The following CSF1R variants were observed in gnomAD, a reference collection of about 807,000 sequenced individuals.
CSF1R encodes colony stimulating factor 1 receptor.
A neutral mutation model predicts 110.0 loss-of-function variants in CSF1R; 40 were observed. That is an observed-to-expected ratio of 0.36 (90% CI 0.28 to 0.47). The LOEUF (loss-of-function observed/expected upper bound fraction) is 0.47. CSF1R is among the 20% of genes least tolerant of loss of function. The pLI, the probability that CSF1R is intolerant of heterozygous loss-of-function variation, is 0.99. For synonymous variants in CSF1R, 523 were observed against 503.4 expected, an observed-to-expected ratio of 1.04 and a Z score of -0.52; for missense variants, 1,052 against 1,253.0, an observed-to-expected ratio of 0.84 and a Z score of 2.42.
At chr5:150,081,059 G>T (rs1758519760) in intron 1 of CSF1R, 35 bp from the exon 2 acceptor site, 1 of 1,610,206 alleles carries the variant, frequency 6.2e-7, no homozygotes, top group Non-Finnish European at 8.5e-7. Flanking sequence ...CAGAAGTGAG[G>T]TCTAGGATGC....
intron 1 of CSF1R, among the ~76,000 whole-genome samples, chr5:150,111,939 C>A (rs1475134119): frequency 6.6e-6 from 1 of 152,290 alleles, no homozygotes; most frequent in East Asian, 1.9e-4. Flanking sequence ...TTTAACCGGG[C>A]TCCCCATTCT....
intron 12 of CSF1R, among the ~76,000 whole-genome samples, chr5:150,061,182 C>T (rs1325432344): frequency 6.6e-6 from 1 of 152,188 alleles, no homozygotes; most frequent in Non-Finnish European, 1.5e-5. Context: ...TGTCACTGAG[C>T]TGGTCTTCAG....
intron 3 of CSF1R, 44 bp from the exon 4 acceptor site, chr5:150,078,292 C>T (rs2569077): frequency 5.6e-6 from 9 of 1,609,262 alleles, no homozygotes. Context: ...GCTCCCTGAA[C>T]ATGATAGAGA....
At chr5:150,095,750 T>C (rs1368263587) in intron 1 of CSF1R, among the ~76,000 whole-genome samples, 1 of 80,458 alleles carries the variant, frequency 1.2e-5, no homozygotes. Context: ...AAAAAAGTAA[T>C]AACATTTACC....
intron 5 of CSF1R, among the ~76,000 whole-genome samples, chr5:150,074,305 G>GTTTT (rs35475636): frequency 0.13 from 15,980 of 126,470 alleles, 1,281 homozygotes; most frequent in East Asian, 0.31. Flanking sequence ...GTCCTGACTA[G>GTTTT]TTTTTTTTTT....
chr5:150,065,217 G>A (rs774534671), intron 10 of CSF1R, among the ~76,000 whole-genome samples: 1 of 151,688 alleles, frequency 6.6e-6, no homozygotes, highest in Non-Finnish European at 1.5e-5. Context: ...AGGCCTGCTG[G>A]TTCTGGGTGA....
At chr5:150,066,371 G>A (rs559657090) in intron 10 of CSF1R, among the ~76,000 whole-genome samples, 2 of 152,346 alleles carry the variant, frequency 1.3e-5, no homozygotes, top group South Asian at 2.1e-4. Flanking sequence ...CATAGCCAGA[G>A]CTTGGCAGAG....
upstream of CSF1R, among the ~76,000 whole-genome samples, chr5:150,091,276 C>T (rs775606360): frequency 4.6e-5 from 7 of 152,164 alleles, no homozygotes; most frequent in Non-Finnish European, 7.4e-5. Flanking sequence ...CCAGAAATAT[C>T]ACTTCTAGGT....
At chr5:150,085,739 C>T (rs1758813701) in intron 1 of CSF1R, among the ~76,000 whole-genome samples, 1 of 152,156 alleles carries the variant, frequency 6.6e-6, no homozygotes, top group African/African-American at 2.4e-5. Flanking sequence ...TGTCTCTCCC[C>T]TCTGACCCCT....
chr5:150,091,849 TACCA>T (rs1375658944), intron 1 of CSF1R, among the ~76,000 whole-genome samples: 1 of 57,714 alleles, frequency 1.7e-5, no homozygotes, highest in Non-Finnish European at 3.0e-5. Flanking sequence ...AGACCCATAC[TACCA>T]AAAAAAAAAA....
chr5:150,060,415 G>A (rs139439464), intron 13 of CSF1R, among the ~76,000 whole-genome samples: 70 of 152,160 alleles, frequency 4.6e-4, no homozygotes, highest in Admixed American at 3.5e-3. Context: ...AAGCTATGGC[G>A]GCTCACTGTA....
intron 5 of CSF1R, among the ~76,000 whole-genome samples, chr5:150,074,994 T>A (rs1165083226): frequency 1.3e-5 from 2 of 152,180 alleles, no homozygotes; most frequent in African/African-American, 4.8e-5. Context: ...CTTTATCCTT[T>A]AAGATTCACC....
At position 150,070,009 on chromosome 5, in the gene CSF1R, C is replaced by T. The variant is rs1757963446; in HGVS notation, c.1374G>A (p.Leu458=). ...QVWDDPYPEV[L]SQEPFHKVTV... Reference sequence around the variant, plus strand: ...TCACCTTGTGGAAGGGCTCCTGGCTCAGGACCTCAGGGTATGGGTCATCCC... The same window carrying T: ...TCACCTTGTGGAAGGGCTCCTGGCTTAGGACCTCAGGGTATGGGTCATCCC... The change falls in exon 9 of 21, where the codon CTG becomes CTA. Residue 458 remains leucine (L), a synonymous_variant. Coordinates refer to ENST00000675795, the MANE Select transcript of CSF1R (RefSeq NM_001288705.3). The T allele has an allele frequency of 1.9e-6, 3 of 1,614,020 alleles. No individual in the cohort carries two copies. Among genetic ancestry groups the T allele is most frequent in the Admixed American group, 1.7e-5 (1 of 60,004 alleles).
intron 10 of CSF1R, chr5:150,067,103 A>G (rs1388044057): frequency 2.0e-5 from 3 of 151,786 alleles, no homozygotes; most frequent in African/African-American, 7.3e-5. Context: ...CACATTGCAC[A>G]TGGTCTTTGT....
chr5:150,083,209 G>T (rs1165875541), intron 1 of CSF1R, among the ~76,000 whole-genome samples: 4 of 151,780 alleles, frequency 2.6e-5, no homozygotes, highest in Admixed American at 1.3e-4. Context: ...GTCCCCTTCT[G>T]TGCCTGTCCA....
chr5:150,094,178 A>G, intron 1 of CSF1R: 1 of 600,728 alleles, frequency 1.7e-6, no homozygotes, highest in South Asian at 2.4e-5. Flanking sequence ...AACAAGAAAT[A>G]TTTCCAGGCA....
intron 2 of CSF1R, 124 bp downstream of exon 2, chr5:150,080,643 G>A (rs1758495231): frequency 3.2e-6 from 4 of 1,253,344 alleles, no homozygotes; most frequent in Admixed American, 2.3e-5. Flanking sequence ...AGCTCTTCCA[G>A]GTCCTTGCTC....
chr5:150,061,481 C>T lies in CSF1R; in HGVS notation c.1858+10G>A. On this transcript the variant is annotated intron_variant, in intron 12 of 20. Transcript: ENST00000675795. ...CCCCATCCCTTCCCTCATCCCCTCC[C>T]CTCACTCACACTTCAGCATCTTCAC... 1.3e-6 allele frequency: 2 copies of T among 1,585,222 alleles called. No homozygotes were observed. Among genetic ancestry groups the T allele is most frequent in the Non-Finnish European group, 1.7e-6 (2 of 1,160,202 alleles).
At chr5:150,081,629 G>A (rs889417840) in intron 1 of CSF1R, among the ~76,000 whole-genome samples, 7 of 152,082 alleles carry the variant, frequency 4.6e-5, no homozygotes, top group East Asian at 1.9e-4. Flanking sequence ...GACAATCATC[G>A]TACCCACTCA....
Sources: gnomAD v4.1 joint callset for allele counts (sites outside exome capture counted in the v4.1 genomes callset) on GRCh38, gnomAD v4.1.1 for gene constraint, MANE v1.5 for transcripts, NCBI Gene and HGNC (gene_info 2026-07-23, HGNC 2026-07-21) for gene names.